HS2ST1: variants seen among roughly 807,000 people sequenced by gnomAD.
The protein encoded by HS2ST1 is heparan sulfate 2-O-sulfotransferase 1.
Under a neutral mutation model 42.9 loss-of-function variants are expected in HS2ST1, and 18 were observed. The ratio of observed to expected loss-of-function variants is 0.42; its 90% CI spans 0.29 to 0.62. The LOEUF (loss-of-function observed/expected upper bound fraction) is 0.62, where lower values mean the gene tolerates loss of function less well. Ranked by LOEUF, HS2ST1 falls within the 20% of genes least tolerant of loss-of-function variation. The pLI is 0.21. For missense variants in HS2ST1, 334 were observed against 433.8 expected, an observed-to-expected ratio of 0.77 and a Z score of 2.04; for synonymous variants, 146 against 152.9, an observed-to-expected ratio of 0.95 and a Z score of 0.33.
At chr1:86,924,445 A>G (rs1445966167) in intron 1 of HS2ST1, among the ~76,000 whole-genome samples, 1 of 152,044 alleles carries the variant, frequency 6.6e-6, no homozygotes, top group African/African-American at 2.4e-5. Flanking sequence ...GGGGGCTGCA[A>G]CCCCACATTT....
At chr1:86,966,500 A>G (rs1345195156) in intron 1 of HS2ST1, among the ~76,000 whole-genome samples, 3 of 152,252 alleles carry the variant, frequency 2.0e-5, no homozygotes, top group African/African-American at 7.2e-5. Context: ...TGAAACTTGT[A>G]AAGCATTCAT....
At chr1:86,920,822 A>G (rs1190888032) in intron 1 of HS2ST1, among the ~76,000 whole-genome samples, 1 of 152,182 alleles carries the variant, frequency 6.6e-6, no homozygotes. Flanking sequence ...GGTAACTGTC[A>G]GTGCTCCTGT....
intron 4 of HS2ST1, among the ~76,000 whole-genome samples, chr1:87,095,015 G>T (rs1459273888): frequency 2.0e-5 from 3 of 152,040 alleles, no homozygotes; most frequent in African/African-American, 4.8e-5. Flanking sequence ...AAACATATTG[G>T]TGATTAGACA....
chr1:86,985,916 G>T (rs189205700), intron 1 of HS2ST1, among the ~76,000 whole-genome samples: 390 of 151,876 alleles, frequency 2.6e-3, no homozygotes, highest in Middle Eastern at 0.02. Flanking sequence ...TGACACCTGT[G>T]TTTTTGTTTT....
chr1:86,974,805 T>C (rs1648346642), intron 1 of HS2ST1, among the ~76,000 whole-genome samples: 1 of 152,230 alleles, frequency 6.6e-6, no homozygotes, highest in Non-Finnish European at 1.5e-5. Context: ...TTTCATTTAG[T>C]AGTCATCGCA....
intron 1 of HS2ST1, among the ~76,000 whole-genome samples, chr1:86,962,066 A>G (rs984198004): frequency 6.6e-6 from 1 of 152,156 alleles, no homozygotes; most frequent in African/African-American, 2.4e-5. Context: ...AATGTTCTAT[A>G]CATCTAGTTT....
intron 1 of HS2ST1, among the ~76,000 whole-genome samples, chr1:87,024,361 C>T (rs761661567): frequency 1.4e-4 from 21 of 151,926 alleles, no homozygotes; most frequent in South Asian, 4.2e-4. Flanking sequence ...AATTAGATGG[C>T]GTGGTGGTGC....
chr1:86,943,390 C>T (rs947695557), intron 1 of HS2ST1, among the ~76,000 whole-genome samples: 6 of 152,148 alleles, frequency 3.9e-5, no homozygotes, highest in Admixed American at 3.9e-4. Flanking sequence ...ACTGAGAGAA[C>T]TTAATCCCAA....
At chr1:86,987,040 C>G (rs1648804967) in intron 1 of HS2ST1, among the ~76,000 whole-genome samples, 1 of 151,140 alleles carries the variant, frequency 6.6e-6, no homozygotes, top group Non-Finnish European at 1.5e-5. Flanking sequence ...TACACGCTTT[C>G]CACCACTATT....
At chr1:86,965,660 G>A (rs1397842930) in intron 1 of HS2ST1, among the ~76,000 whole-genome samples, 1 of 151,768 alleles carries the variant, frequency 6.6e-6, no homozygotes, top group Non-Finnish European at 1.5e-5. Flanking sequence ...TTTTTTTTAG[G>A]GGATTAAAAT....
At chr1:87,002,620 A>G (rs1649322009) in intron 1 of HS2ST1, among the ~76,000 whole-genome samples, 1 of 151,624 alleles carries the variant, frequency 6.6e-6, no homozygotes, top group African/African-American at 2.4e-5. Flanking sequence ...AAAAAAAAAA[A>G]AAAGAAAAAG....
At chr1:87,011,073 A>G (rs1297342902) in intron 1 of HS2ST1, among the ~76,000 whole-genome samples, 1 of 152,182 alleles carries the variant, frequency 6.6e-6, no homozygotes, top group Non-Finnish European at 1.5e-5. Context: ...GGCATGAGCC[A>G]CTGTGCCTGG....
chr1:87,066,497 C>A (rs894864423), intron 1 of HS2ST1, among the ~76,000 whole-genome samples: 1 of 152,146 alleles, frequency 6.6e-6, no homozygotes, highest in Non-Finnish European at 1.5e-5. Context: ...GGGCACCACT[C>A]CCCACCCCTG....
intron 1 of HS2ST1, among the ~76,000 whole-genome samples, chr1:86,969,800 A>T (rs1266288866): frequency 6.6e-6 from 1 of 152,088 alleles, no homozygotes; most frequent in Non-Finnish European, 1.5e-5. Context: ...TTTACTGATA[A>T]GACTGAGTTA....
At chr1:86,993,910 A>G (rs929835655) in intron 1 of HS2ST1, among the ~76,000 whole-genome samples, 1 of 152,182 alleles carries the variant, frequency 6.6e-6, no homozygotes, top group African/African-American at 2.4e-5. Flanking sequence ...CTCTGAGCTG[A>G]TAAGCAGTGT....
At chr1:86,985,507 CACATATATAT>C (rs1557504954) in intron 1 of HS2ST1, among the ~76,000 whole-genome samples, 6 of 75,936 alleles carry the variant, frequency 7.9e-5, no homozygotes, top group Non-Finnish European at 1.4e-4. Flanking sequence ...CACATATATA[CACATATATAT>C]ACACATATAT....
chr1:87,087,783 G>A (rs185912666), intron 3 of HS2ST1, among the ~76,000 whole-genome samples: 57 of 151,684 alleles, frequency 3.8e-4, no homozygotes, highest in Admixed American at 2.4e-3. Context: ...CAATATGTGG[G>A]AGTTGCGTTT....
chr1:87,055,581 T>TA (rs1306747201), intron 1 of HS2ST1, among the ~76,000 whole-genome samples: 2 of 152,296 alleles, frequency 1.3e-5, no homozygotes, highest in African/African-American at 2.4e-5. Context: ...TAAAACTCTT[T>TA]AAAAAAATGG....
chr1:87,099,111 A>C (rs1652139781), intron 5 of HS2ST1, among the ~76,000 whole-genome samples: 1 of 152,212 alleles, frequency 6.6e-6, no homozygotes, highest in Admixed American at 6.5e-5. Flanking sequence ...GTTTTATTGA[A>C]ACACAGCCAC....
Sources: allele counts gnomAD v4.1 joint callset (sites outside exome capture counted in the v4.1 genomes callset), GRCh38; gene constraint gnomAD v4.1.1; transcripts MANE v1.5; gene names NCBI Gene and HGNC (gene_info 2026-07-23, HGNC 2026-07-21).